Variants in LRBA observed in about 807,000 individuals in gnomAD.
The protein encoded by LRBA is lipopolysaccharide-responsive and beige-like anchor protein.
A neutral mutation model predicts 330.0 loss-of-function variants in LRBA; 176 were observed. The ratio of observed to expected loss-of-function variants is 0.53; its 90% CI spans 0.47 to 0.60. LRBA has a LOEUF of 0.60. Among genes scored for constraint, LRBA ranks in the 20% least tolerant of loss-of-function variants. LRBA has a pLI of 0.00. For synonymous variants in LRBA, 1,230 were observed against 1,193.0 expected, an observed-to-expected ratio of 1.03 and a Z score of -0.64; for missense variants, 3,259 against 3,444.8, an observed-to-expected ratio of 0.95 and a Z score of 1.35.
At chr4:150,882,086 C>CA (rs773130822) in intron 17 of LRBA, among the ~76,000 whole-genome samples, 1,584 of 135,392 alleles carry the variant, frequency 0.012, 5 homozygotes, top group African/African-American at 0.019. Context: ...AACTCTGTCT[C>CA]AAAAAAAAAA....
intron 34 of LRBA, among the ~76,000 whole-genome samples, chr4:150,782,663 A>C (rs547614523): frequency 1.7e-4 from 26 of 152,362 alleles, no homozygotes; most frequent in African/African-American, 6.0e-4. Flanking sequence ...ATCCAAAATT[A>C]TCTTTTCATC....
At chr4:150,870,791 A>G (rs1277415343) in intron 19 of LRBA, among the ~76,000 whole-genome samples, 185 bp from the exon 20 acceptor site, 1 of 152,218 alleles carries the variant, frequency 6.6e-6, no homozygotes, top group African/African-American at 2.4e-5. Flanking sequence ...TTATTACTCT[A>G]TGTTTTCTTA....
At chr4:150,622,570 G>A (rs913474506) in intron 37 of LRBA, among the ~76,000 whole-genome samples, 3 of 152,066 alleles carry the variant, frequency 2.0e-5, no homozygotes, top group Admixed American at 6.5e-5. Context: ...GGATCAACTG[G>A]AAGGTAAAAT....
chr4:150,546,973 T>C (rs1765930588), intron 40 of LRBA, among the ~76,000 whole-genome samples: 1 of 152,214 alleles, frequency 6.6e-6, no homozygotes, highest in Non-Finnish European at 1.5e-5. Flanking sequence ...ATAATATTTA[T>C]TTGTAAACAA....
rs756364975 is a variant in LRBA at position 150,852,221 on chromosome 4, A to G, written c.3489T>C (p.Thr1163=). The G allele has an allele frequency of 6.2e-7, 1 of 1,614,134 alleles. No individual in the cohort carries two copies. The highest frequency in any genetic ancestry group is 8.5e-7 in the Non-Finnish European group (1 of 1,180,004). ...KLIFQEGKPV[T]EKQTDTETQD... Reference sequence around the variant, plus strand: ...GAGTTTCAGTATCAGTTTGCTTTTCAGTAACAGGTTTTCCTTCTTGAAATA... The same window carrying G: ...GAGTTTCAGTATCAGTTTGCTTTTCGGTAACAGGTTTTCCTTCTTGAAATA... The change falls in exon 23 of 57, where the codon ACT becomes ACC. Residue 1163 remains threonine (T), a synonymous_variant. Transcript: ENST00000651943.
chr4:150,482,115 C>T (rs1757368434), intron 42 of LRBA, among the ~76,000 whole-genome samples: 1 of 151,964 alleles, frequency 6.6e-6, no homozygotes, highest in African/African-American at 2.4e-5. Context: ...AACATAGAGG[C>T]TTATGTAAGA....
At chr4:150,541,960 A>G (rs181335606) in intron 40 of LRBA, among the ~76,000 whole-genome samples, 26 of 152,348 alleles carry the variant, frequency 1.7e-4, no homozygotes, top group Admixed American at 7.8e-4. Flanking sequence ...ATTTAAAGAC[A>G]GAAATACCTT....
chr4:150,398,159 G>C (rs370370100), intron 47 of LRBA, among the ~76,000 whole-genome samples: 1 of 152,142 alleles, frequency 6.6e-6, no homozygotes, highest in African/African-American at 2.4e-5. Context: ...ATGTGAGATG[G>C]TGAATGGAAC....
At chr4:150,936,493 C>G (rs1735090822) in intron 2 of LRBA, among the ~76,000 whole-genome samples, 1 of 151,692 alleles carries the variant, frequency 6.6e-6, no homozygotes, top group African/African-American at 2.4e-5. Context: ...TCTTCAGACA[C>G]AAGAAAACCT....
At chr4:150,693,400 A>G (rs1335702913) in intron 36 of LRBA, among the ~76,000 whole-genome samples, 1 of 150,984 alleles carries the variant, frequency 6.6e-6, no homozygotes, top group African/African-American at 2.4e-5. Context: ...CGTCTCTACT[A>G]AAAATACAAA....
At chr4:150,745,803 TGCG>T (rs1473138574) in intron 35 of LRBA, among the ~76,000 whole-genome samples, 39 of 152,026 alleles carry the variant, frequency 2.6e-4, no homozygotes, top group Non-Finnish European at 4.4e-5. Flanking sequence ...CGTCAGCCAC[TGCG>T]CCCAGCCGAG....
chr4:150,730,008 A>G (rs750908218), intron 36 of LRBA, among the ~76,000 whole-genome samples: 1 of 152,236 alleles, frequency 6.6e-6, no homozygotes. Flanking sequence ...AAATAGATTA[A>G]AGACTTAAAT....
chr4:150,712,465 T>C (rs1344559772), intron 36 of LRBA, among the ~76,000 whole-genome samples: 1 of 152,110 alleles, frequency 6.6e-6, no homozygotes, highest in East Asian at 1.9e-4. Context: ...TTTGAACTAA[T>C]AAAAAACCCT....
chr4:150,459,390 T>A (rs1448491822), intron 44 of LRBA, among the ~76,000 whole-genome samples: 9 of 151,868 alleles, frequency 5.9e-5, no homozygotes, highest in Admixed American at 5.3e-4. Context: ...ATAAAGCAAG[T>A]ATTGAATTTA....
At chr4:150,713,051 C>A (rs1041268769) in intron 36 of LRBA, among the ~76,000 whole-genome samples, 1 of 152,054 alleles carries the variant, frequency 6.6e-6, no homozygotes, top group African/African-American at 2.4e-5. Flanking sequence ...ATCTGCCCAC[C>A]TCAGCCTCCC....
intron 48 of LRBA, among the ~76,000 whole-genome samples, chr4:150,336,364 A>T (rs538551148): frequency 1.3e-5 from 2 of 152,284 alleles, no homozygotes; most frequent in Middle Eastern, 6.8e-3. Flanking sequence ...AGTTTTAGCA[A>T]TTTTTGCCAT....
chr4:150,594,074 AATTT>A (rs1773205448), intron 38 of LRBA, among the ~76,000 whole-genome samples: 2 of 152,030 alleles, frequency 1.3e-5, no homozygotes, highest in South Asian at 2.1e-4. Flanking sequence ...CACCCACTTT[AATTT>A]ATTTATTTAC....
At chr4:150,532,852 G>A (rs1764191632) in intron 40 of LRBA, among the ~76,000 whole-genome samples, 1 of 151,998 alleles carries the variant, frequency 6.6e-6, no homozygotes, top group Non-Finnish European at 1.5e-5. Flanking sequence ...AGATTTTTAT[G>A]TACATCACAA....
chr4:150,491,110 T>C (rs1758889532), intron 40 of LRBA, 75 bp from the exon 41 acceptor site: 2 of 624,818 alleles, frequency 3.2e-6, no homozygotes, highest in South Asian at 3.4e-5. Flanking sequence ...CCAATTAAAA[T>C]AGAAAAGACC....
Sources: gnomAD v4.1 joint callset for allele counts (sites outside exome capture counted in the v4.1 genomes callset) on GRCh38, gnomAD v4.1.1 for gene constraint, MANE v1.5 for transcripts, NCBI Gene and HGNC (gene_info 2026-07-23, HGNC 2026-07-21) for gene names.